CDC42BPG: variants seen among roughly 807,000 people sequenced by gnomAD.
CDC42BPG encodes serine/threonine-protein kinase MRCK gamma.
Under a neutral mutation model 192.2 loss-of-function variants are expected in CDC42BPG, and 157 were observed. The ratio of observed to expected loss-of-function variants is 0.82; its 90% confidence interval spans 0.72 to 0.93. The LOEUF (loss-of-function observed/expected upper bound fraction) is 0.93, where lower values mean the gene tolerates loss of function less well. Ranked by LOEUF, CDC42BPG falls within the 40% of genes least tolerant of loss-of-function variation. The pLI, the probability that CDC42BPG is intolerant of heterozygous loss-of-function variation, is 0.00. For synonymous variants in CDC42BPG, 981 were observed against 918.5 expected (o/e 1.07, Z -1.23); for missense variants, 1,992 against 2,122.1 (o/e 0.94, Z 1.20).
intron 30 of CDC42BPG, 67 bp from the exon 31 acceptor site, chr11:64,827,850 G>T: frequency 7.3e-7 from 1 of 1,368,122 alleles, no homozygotes; most frequent in Non-Finnish European, 1.0e-6. Context: ...CTTGTCCCCT[G>T]CCACAGCACA....
rs577558598 is a variant in CDC42BPG at position 64,836,281 on chromosome 11, G to A, written c.1504C>T (p.Arg502Trp). 4.7e-5 allele frequency: 75 copies of A among 1,604,842 alleles called. No individual in the cohort carries two copies. In the East Asian group the frequency reaches 8.0e-4, roughly 17 times the overall value. ...TGCTCCTGAGCCTGCAGCCCTGCCC[G>A]ACCCTCGGCCAGCTCCTGAGGAGGC... is the stretch of plus-strand genomic sequence containing the variant. The part of the protein sequence containing the change: ...DRLHRELAEG[R>W]AGLQAQEQEL... Residue 502 changes from arginine (R) to tryptophan (W), a missense_variant, in exon 13 of 37, where the codon CGG becomes TGG. Arg to Trp is a moderately radical substitution (Grantham distance 101). Coordinates refer to ENST00000342711, the MANE Select transcript of CDC42BPG (RefSeq NM_017525.3).
intron 23 of CDC42BPG, 54 bp downstream of exon 23, chr11:64,833,546 A>G: frequency 6.6e-7 from 1 of 1,516,428 alleles, no homozygotes; most frequent in Non-Finnish European, 9.0e-7. Flanking sequence ...GTGCCCATTC[A>G]GCCTGGCAGA....
chr11:64,833,574 C>T (rs1942813062), intron 23 of CDC42BPG, 26 bp downstream of exon 23: 2 of 1,590,208 alleles, frequency 1.3e-6, no homozygotes, highest in Non-Finnish European at 1.7e-6. Context: ...GGTGCCCCCA[C>T]CCTGCTTGCC....
rs906910814 is a variant in CDC42BPG, at chr11:64,839,952, G to A, written c.581+168C>T. On this transcript the variant is annotated intron_variant, in intron 5 of 36. Coordinates refer to ENST00000342711, the MANE Select transcript of CDC42BPG (RefSeq NM_017525.3). ...CAGGCCGGACACAGCAGCAGCCCCT[G>A]CCACAGAGGGCTCTTTGGTATGATT... is the stretch of plus-strand genomic sequence containing the variant. Among the ~76,000 whole-genome samples the A allele has an allele frequency of 5.3e-5, 8 of 152,186 alleles. No homozygotes were observed. In the East Asian group the frequency reaches 1.5e-3, roughly 29 times the overall value.
At chr11:64,839,325 C>G (rs1592720357) in intron 6 of CDC42BPG, 92 bp from the exon 7 acceptor site, 17 of 1,556,000 alleles carry the variant, frequency 1.1e-5, no homozygotes, top group Non-Finnish European at 1.4e-5. Context: ...CCTACTCTGC[C>G]AGGCTGGCCT....
In CDC42BPG at chr11:64,835,804, C is replaced by T; in HGVS notation, c.1716G>A (p.Gln572=). 6.2e-7 allele frequency: 1 copy of T among 1,613,302 alleles called. No homozygotes were observed. Among genetic ancestry groups the T allele is most frequent in the Non-Finnish European group, 8.5e-7 (1 of 1,179,930 alleles). Residue 572 remains glutamine (Q), a synonymous_variant, in exon 14 of 37, where the codon CAG becomes CAA. Transcript: ENST00000342711. ...SSLSRQVTQL[Q]GQWEQRLEES... ...CCTCAAGGCGTTGCTCCCACTGTCC[C>T]TGCAGCTGCGTCACCTGCCGGCTCA...
In CDC42BPG at chr11:64,823,083, T is replaced by C. The variant is rs566554315; in HGVS notation, c.*1390A>G. Among the ~76,000 whole-genome samples the C allele has an allele frequency of 4.9e-4, 61 of 124,024 alleles. No homozygotes were observed. The highest frequency in any genetic ancestry group is 4.0e-3 in the Admixed American group (52 of 12,924). The allele number at this position is 124,024 out of a possible 152,430, so 81.4% of individuals were successfully genotyped here. The stretch of plus-strand genomic sequence containing the variant: ...AAAGCTGTCTTTATTGGTTTCCTTT[T>C]CTTTTCTTTTTTTTTTTTTTTGAGA... On this transcript the variant is annotated 3_prime_UTR_variant, in exon 37 of 37. Transcript: ENST00000342711.
chr11:64,842,032 C>G (rs772981365), intron 1 of CDC42BPG, 128 bp from the exon 2 acceptor site: 2 of 717,204 alleles, frequency 2.8e-6, no homozygotes, highest in Non-Finnish European at 2.4e-6. Context: ...GGGACAGCCT[C>G]GGGCCAAGGG....
rs747155624 is a variant in CDC42BPG at position 64,833,682 on chromosome 11, G to A, written c.2566-23C>T. 4.3e-6 allele frequency: 7 copies of A among 1,613,120 alleles called. No homozygotes were observed. The Admixed American group carries it at 1.0e-4, about 23-fold the overall frequency. On this transcript the variant is annotated intron_variant, in intron 22 of 36. Coordinates refer to ENST00000342711, the MANE Select transcript of CDC42BPG (RefSeq NM_017525.3). ...AGCCTGCAGGAGGGCGGGGGAGCAG[G>A]TGAGACGGGCAAGGGCGGGGCCCAG...
intron 8 of CDC42BPG, 69 bp from the exon 9 acceptor site, chr11:64,838,231 C>G: frequency 7.7e-7 from 1 of 1,293,746 alleles, no homozygotes; most frequent in Non-Finnish European, 1.1e-6. Flanking sequence ...CCCAGGAGCC[C>G]CCTGGGACCA....
chr11:64,835,871 A>C lies in CDC42BPG; in HGVS notation c.1669-20T>G, dbSNP rs1942961176. The stretch of plus-strand genomic sequence containing the variant: ...CTCCAGCTGTGAGGGGTGCAGAGGC[A>C]GGCCACTGCCAACTCTGCCCTCGGC... On this transcript the variant is annotated intron_variant, in intron 13 of 36. Transcript: ENST00000342711. The C allele has an allele frequency of 6.3e-7, 1 of 1,597,504 alleles. No individual in the cohort carries two copies. The highest frequency in any genetic ancestry group is 8.5e-7 in the Non-Finnish European group (1 of 1,172,380).
chr11:64,834,527 C>T lies in CDC42BPG; in HGVS notation c.2226G>A (p.Arg742=). 6.3e-7 allele frequency: 1 copy of T among 1,585,282 alleles called. No homozygotes were observed. Among genetic ancestry groups the T allele is most frequent in the Non-Finnish European group, 8.6e-7 (1 of 1,163,850 alleles). ...RRLQKMEASA[R]LELQSALEAE... ...CCTCCAGCGCTGACTGCAGCTCCAG[C>T]CTGGCCGAGGCCTCCATCTTCTGCA... The change falls in exon 19 of 37, where the codon AGG becomes AGA. Residue 742 remains arginine, a synonymous_variant. Coordinates refer to ENST00000342711, the MANE Select transcript of CDC42BPG (RefSeq NM_017525.3).
rs761381170 is a variant in CDC42BPG at position 64,827,539 on chromosome 11, T to C, written c.4138A>G (p.Asn1380Asp). ...TEKVRLTYLR[N>D]QLAEKDEFDI... ...CGCACTCCCTCACCTGCCAGCTGGT[T>C]CCTGAGGTAGGTCAGGCGGACCTTC... The change falls in exon 32 of 37, where the codon AAC becomes GAC. Residue 1380 changes from asparagine (N) to aspartate (D), a missense_variant. Asn to Asp is a conservative substitution (Grantham distance 23). Coordinates refer to ENST00000342711, the MANE Select transcript of CDC42BPG (RefSeq NM_017525.3). 2.4e-5 allele frequency: 39 copies of C among 1,611,864 alleles called. No individual in the cohort carries two copies. In the African/African-American group the frequency reaches 5.1e-4, roughly 21 times the overall value.
chr11:64,827,484 C>G, intron 32 of CDC42BPG, 43 bp downstream of exon 32: 2 of 1,604,112 alleles, frequency 1.2e-6, no homozygotes, highest in Non-Finnish European at 1.7e-6. Flanking sequence ...GCCACACGTG[C>G]GCACTGGGGA....
intron 9 of CDC42BPG, 32 bp downstream of exon 9, chr11:64,838,051 C>A: frequency 6.5e-7 from 1 of 1,540,866 alleles, no homozygotes; most frequent in Middle Eastern, 1.9e-4. Context: ...CAACCCCGAG[C>A]CTCCCACCAG....
At position 64,829,766 on chromosome 11, in the gene CDC42BPG, T is replaced by A; in HGVS notation, c.3672A>T (p.Ala1224=). The A allele has an allele frequency of 6.3e-7, 1 of 1,583,846 alleles. No individual in the cohort carries two copies. Among genetic ancestry groups the A allele is most frequent in the South Asian group, 1.1e-5 (1 of 88,930 alleles). The change falls in exon 30 of 37, where the codon GCA becomes GCT. Residue 1224 remains alanine (A), a synonymous_variant. Coordinates refer to ENST00000342711, the MANE Select transcript of CDC42BPG (RefSeq NM_017525.3). ...GCCCCAGGCTCTGCACAGTGGCAGG[T>A]GCCTGCAGCTCACGGATGCGGCGCT... is the stretch of plus-strand genomic sequence containing the variant. ...PWQRRIRELQ[A]PATVQSLGLL...
chr11:64,827,005 C>T (rs1645941126), intron 34 of CDC42BPG, 45 bp downstream of exon 34: 2 of 1,407,752 alleles, frequency 1.4e-6, no homozygotes, highest in African/African-American at 1.4e-5. Context: ...CGGTTATTGG[C>T]TCAGCCTCAC....
In CDC42BPG at chr11:64,827,258, CCCGCG is replaced by C; in HGVS notation, c.4271+15_4271+19del. On this transcript the variant is annotated intron_variant, in intron 33 of 36. Coordinates refer to ENST00000342711, the MANE Select transcript of CDC42BPG (RefSeq NM_017525.3). ...GAGGCGGCCCCACCCAGCCTCAGCC[CCCGCG>C]TCGTGCACGCGCACCTGCGCTGCTG... The C allele has an allele frequency of 2.5e-6, 4 of 1,613,350 alleles. No individual in the cohort carries two copies. The highest frequency in any genetic ancestry group is 3.4e-6 in the Non-Finnish European group (4 of 1,179,708).
Position 64,840,615 on chromosome 11 carries a change from C to T in CDC42BPG, c.370G>A (p.Val124Met), listed in dbSNP as rs770372337. 16 of 1,613,782 alleles carry T rather than the reference C, an allele frequency of 9.9e-6. No individual in the cohort carries two copies. Among genetic ancestry groups the T allele is most frequent in the South Asian group, 4.4e-5 (4 of 91,090 alleles). Residue 124 changes from valine to methionine, a missense_variant, in exon 4 of 37, where the codon GTG (valine) becomes ATG (methionine). Val to Met is a conservative substitution (Grantham distance 21, BLOSUM62 1). Transcript: ENST00000342711. ...GTCACCCAACGGCTGTCCCCTTTCA[C>T]GAGCACATCCCGCTCCTCCCGGAAA... ...ACFREERDVL[V>M]KGDSRWVTTL...
Sources: allele counts gnomAD v4.1 joint callset (sites outside exome capture counted in the v4.1 genomes callset), GRCh38; gene constraint gnomAD v4.1.1; transcripts MANE v1.5; gene names NCBI Gene and HGNC (gene_info 2026-07-23, HGNC 2026-07-21).